Variants in TNFRSF19 observed in about 807,000 individuals in gnomAD.
TNFRSF19 encodes the protein TNF receptor superfamily member 19, also known as tumor necrosis factor receptor superfamily member 19.
TNFRSF19 carries 27 observed loss-of-function variants against 46.4 expected under a neutral mutation model. The observed-to-expected ratio is 0.58, with a 90% CI of 0.43 to 0.80. TNFRSF19 has a LOEUF of 0.80. Among genes scored for constraint, TNFRSF19 ranks in the 30% least tolerant of loss-of-function variants. The probability of loss-of-function intolerance (pLI) is 0.00; values close to 1 mark genes in which losing one functional copy is unlikely to be tolerated. For missense variants in TNFRSF19, 511 were observed against 530.8 expected, an observed-to-expected ratio of 0.96 and a Z score of 0.37; for synonymous variants, 204 against 205.0, an observed-to-expected ratio of 1.00 and a Z score of 0.04.
intron 5 of TNFRSF19, 77 bp downstream of exon 5, chr13:23,626,869 C>G: frequency 6.9e-7 from 1 of 1,448,482 alleles, no homozygotes. Context: ...AACGTTTCTT[C>G]TCTGGCAGAT....
At chr13:23,657,343 G>A (rs1471799976) in intron 5 of TNFRSF19, among the ~76,000 whole-genome samples, 5 of 152,158 alleles carry the variant, frequency 3.3e-5, no homozygotes, top group African/African-American at 1.2e-4. Context: ...TTGGGAGTGA[G>A]GGGTGTGTAG....
chr13:23,590,139 C>T lies in TNFRSF19; in HGVS notation c.-34-11C>T. 7.3e-7 allele frequency: 1 copy of T among 1,370,334 alleles called. No homozygotes were observed. Among genetic ancestry groups the T allele is most frequent in the Non-Finnish European group, 1.0e-6 (1 of 978,886 alleles). The allele number at this position is 1,370,334 out of a possible 1,614,324, so 84.9% of individuals were successfully genotyped here. On this transcript the variant is annotated splice_polypyrimidine_tract_variant and intron_variant, in intron 1 of 9. Coordinates refer to ENST00000248484, the MANE Select transcript of TNFRSF19 (RefSeq NM_148957.4). ...TTTAATATTAACTGCATCTTCCTAT[C>T]TTTTATTTAGAACTCTCCAACAATA...
At chr13:23,587,698 C>T (rs1878942825) in intron 1 of TNFRSF19, among the ~76,000 whole-genome samples, 1 of 152,146 alleles carries the variant, frequency 6.6e-6, no homozygotes, top group Non-Finnish European at 1.5e-5. Flanking sequence ...ATGGAGTTGC[C>T]AGGCATGAAT....
rs1224216591 is a variant in TNFRSF19 at position 23,664,219 on chromosome 13, C to A, written c.736+3729C>A. 6.6e-5 allele frequency among the ~76,000 whole-genome samples: 10 copies of A among 152,096 alleles called. No individual in the cohort carries two copies. In the South Asian group the frequency reaches 1.7e-3, roughly 25 times the overall value. ...GTTGTATCTTTGTTCTCATTAGTTT[C>A]AAAGAACTTGATTTCTACCTTAATT... On this transcript the variant is annotated intron_variant, in intron 7 of 9. Transcript: ENST00000248484.
At chr13:23,666,435 CTTAG>C (rs1040005004) in intron 7 of TNFRSF19, among the ~76,000 whole-genome samples, 1 of 152,068 alleles carries the variant, frequency 6.6e-6, no homozygotes, top group African/African-American at 2.4e-5. Flanking sequence ...ATTTATATAC[CTTAG>C]TTAGTTTAGA....
At chr13:23,629,487 G>C (rs1169166400) in intron 5 of TNFRSF19, among the ~76,000 whole-genome samples, 1 of 152,144 alleles carries the variant, frequency 6.6e-6, no homozygotes, top group African/African-American at 2.4e-5. Flanking sequence ...TCTGTGGCTG[G>C]TGACCTGAGC....
intron 5 of TNFRSF19, among the ~76,000 whole-genome samples, chr13:23,638,089 G>A (rs1882801213): frequency 9.0e-6 from 1 of 111,564 alleles, no homozygotes; most frequent in African/African-American, 2.8e-5. Flanking sequence ...TTTCTTTTAT[G>A]GTGTCTTTTC....
At chr13:23,666,180 G>A (rs1311814985) in intron 7 of TNFRSF19, among the ~76,000 whole-genome samples, 4 of 152,164 alleles carry the variant, frequency 2.6e-5, no homozygotes, top group Non-Finnish European at 5.9e-5. Flanking sequence ...GGTTTCTCCA[G>A]TATAAAATGT....
At chr13:23,626,825 G>A in intron 5 of TNFRSF19, 33 bp downstream of exon 5, 1 of 1,599,050 alleles carries the variant, frequency 6.3e-7, no homozygotes. Flanking sequence ...GAGCCAAGGG[G>A]ACGCCTGGCC....
rs760740705 is a variant in TNFRSF19 at position 23,668,035 on chromosome 13, G to A, written c.792G>A (p.Pro264=). 5.4e-5 allele frequency: 87 copies of A among 1,609,866 alleles called. 1 individual carries two copies. Among genetic ancestry groups the A allele is most frequent in the Non-Finnish European group, 6.8e-5 (80 of 1,178,410 alleles). Residue 264 remains proline, a synonymous_variant, in exon 8 of 10, where the codon CCG becomes CCA. Transcript: ENST00000248484. ...MCCEEACSPN[P]ATLGCGVHSA... ...GTGAGGAGGCCTGCAGCCCCAACCCGGCGACTCTTGGTTGTGGGGTGCATT... is the reference window on the plus strand; with the variant it reads ...GTGAGGAGGCCTGCAGCCCCAACCCAGCGACTCTTGGTTGTGGGGTGCATT...
intron 4 of TNFRSF19, among the ~76,000 whole-genome samples, chr13:23,616,787 T>C (rs1159335137): frequency 6.6e-6 from 1 of 151,980 alleles, no homozygotes; most frequent in African/African-American, 2.4e-5. Flanking sequence ...TTTCTCCATG[T>C]TGGTTGGTCT....
At chr13:23,635,636 C>T (rs1474585009) in intron 5 of TNFRSF19, among the ~76,000 whole-genome samples, 1 of 152,138 alleles carries the variant, frequency 6.6e-6, no homozygotes, top group Non-Finnish European at 1.5e-5. Context: ...GCCTTGGCCT[C>T]CCAAAGTGCT....
intron 1 of TNFRSF19, among the ~76,000 whole-genome samples, chr13:23,577,525 G>A (rs941094229): frequency 6.6e-6 from 1 of 152,208 alleles, no homozygotes; most frequent in Non-Finnish European, 1.5e-5. Flanking sequence ...TTAGTACACA[G>A]AATCTTATGA....
chr13:23,630,019 G>T (rs2138301940), intron 5 of TNFRSF19, among the ~76,000 whole-genome samples: 1 of 152,262 alleles, frequency 6.6e-6, no homozygotes, highest in African/African-American at 2.4e-5. Context: ...CAGCTCAGAT[G>T]GGGGCCAGGT....
chr13:23,581,711 G>A (rs1336984482), intron 1 of TNFRSF19, among the ~76,000 whole-genome samples: 5 of 152,104 alleles, frequency 3.3e-5, no homozygotes, highest in African/African-American at 4.8e-5. Flanking sequence ...AAGGAATTCT[G>A]CTAACATTCA....
rs1473896166 is a variant in TNFRSF19 at position 23,593,544 on chromosome 13, C to A, written c.180+89C>A. 53 of 869,836 alleles carry A rather than the reference C, an allele frequency of 6.1e-5. No individual in the cohort carries two copies. The East Asian group carries it at 1.4e-3, about 23-fold the overall frequency. The allele number at this position is 869,836 out of a possible 1,614,324, so 53.9% of individuals were successfully genotyped here. A position where few individuals can be genotyped will look rare whatever the true frequency, so the allele number is the denominator to read the frequency against. On this transcript the variant is annotated intron_variant, in intron 3 of 9. Coordinates refer to ENST00000248484, the MANE Select transcript of TNFRSF19 (RefSeq NM_148957.4). ...TTCTTTGAGTTAATTATTAATGAAA[C>A]TTTGGATACCATGACAGAATTATTG...
At chr13:23,639,260 G>A (rs1350109625) in intron 5 of TNFRSF19, among the ~76,000 whole-genome samples, 1 of 152,068 alleles carries the variant, frequency 6.6e-6, no homozygotes, top group African/African-American at 2.4e-5. Flanking sequence ...AGACATAGTG[G>A]TGTGGGCCTG....
At chr13:23,582,305 G>A (rs186276312) in intron 1 of TNFRSF19, among the ~76,000 whole-genome samples, 2,199 of 151,784 alleles carry the variant, frequency 0.014, 51 homozygotes, top group African/African-American at 0.05. Context: ...GGAGGCTGAG[G>A]CAGGAGAATG....
At chr13:23,596,216 A>T (rs1289821020) in intron 3 of TNFRSF19, among the ~76,000 whole-genome samples, 1 of 152,212 alleles carries the variant, frequency 6.6e-6, no homozygotes, top group Non-Finnish European at 1.5e-5. Context: ...CAAAATAACC[A>T]GCTAGCATCA....
Sources: gnomAD v4.1 joint callset for allele counts (sites outside exome capture counted in the v4.1 genomes callset) on GRCh38, gnomAD v4.1.1 for gene constraint, MANE v1.5 for transcripts, NCBI Gene and HGNC (gene_info 2026-07-23, HGNC 2026-07-21) for gene names.